QTMAN: variants seen among roughly 807,000 people sequenced by gnomAD.
The protein encoded by QTMAN is tRNA-queuosine alpha-mannosyltransferase.
At chr2:144,281,051 C>G in the QTMAN span, among the ~76,000 whole-genome samples, 1 of 128,620 alleles carries the variant, frequency 7.8e-6, no homozygotes, top group African/African-American at 2.9e-5. Context: ...AATGCTATCC[C>G]TCCCCCCGCC....
chr2:144,191,414 G>A, the QTMAN span, among the ~76,000 whole-genome samples: 1 of 152,190 alleles, frequency 6.6e-6, no homozygotes, highest in Admixed American at 6.5e-5. Context: ...GAACAAGGAA[G>A]AAAGAAAAGG....
the QTMAN span, among the ~76,000 whole-genome samples, chr2:144,191,557 C>T: frequency 3.3e-5 from 5 of 152,090 alleles, no homozygotes; most frequent in Non-Finnish European, 5.9e-5. Context: ...CAAAAGAATA[C>T]ATTATAAATT....
the QTMAN span, among the ~76,000 whole-genome samples, chr2:144,250,496 A>T: frequency 6.6e-6 from 1 of 152,166 alleles, no homozygotes; most frequent in African/African-American, 2.4e-5. Context: ...GATAAAATTG[A>T]TATAAAAATA....
chr2:144,136,381 G>T, the QTMAN span, among the ~76,000 whole-genome samples: 2 of 96,316 alleles, frequency 2.1e-5, no homozygotes, highest in South Asian at 6.8e-4. Context: ...AAAAGGAAAA[G>T]GAAAAGGAAA....
the QTMAN span, among the ~76,000 whole-genome samples, chr2:144,169,280 T>C: frequency 1.3e-5 from 2 of 152,184 alleles, no homozygotes; most frequent in South Asian, 2.1e-4. Context: ...CTTAGAACTA[T>C]ATAAATCAGA....
At chr2:144,062,611 AG>A in the QTMAN span, among the ~76,000 whole-genome samples, 1 of 152,200 alleles carries the variant, frequency 6.6e-6, no homozygotes, top group Non-Finnish European at 1.5e-5. Flanking sequence ...CATTTTACTA[AG>A]GGCTTTCTAA....
chr2:144,297,581 T>C, the QTMAN span, among the ~76,000 whole-genome samples: 1 of 145,682 alleles, frequency 6.9e-6, no homozygotes, highest in Non-Finnish European at 1.5e-5. Context: ...TTCCGTCTTT[T>C]TTTTTTTTTT....
the QTMAN span, among the ~76,000 whole-genome samples, chr2:144,150,474 G>A: frequency 7.6e-4 from 116 of 152,052 alleles, no homozygotes; most frequent in African/African-American, 2.7e-3. Context: ...GTACTCCTGA[G>A]GAACTAACTT....
the QTMAN span, among the ~76,000 whole-genome samples, chr2:144,036,626 A>G: frequency 6.6e-6 from 1 of 152,232 alleles, no homozygotes; most frequent in African/African-American, 2.4e-5. Flanking sequence ...AGGTACCTAC[A>G]TATTTGGTAC....
At chr2:144,283,746 C>T in the QTMAN span, among the ~76,000 whole-genome samples, 5 of 151,948 alleles carry the variant, frequency 3.3e-5, no homozygotes, top group East Asian at 9.6e-4. Flanking sequence ...AAATGCACAA[C>T]ACACTCTAAA....
At chr2:144,182,901 T>TAA in the QTMAN span, among the ~76,000 whole-genome samples, 1 of 95,816 alleles carries the variant, frequency 1.0e-5, no homozygotes, top group African/African-American at 4.1e-5. Context: ...TATATATATA[T>TAA]TATATATATA....
the QTMAN span, among the ~76,000 whole-genome samples, chr2:144,000,290 A>G: frequency 6.6e-6 from 1 of 152,090 alleles, no homozygotes; most frequent in Non-Finnish European, 1.5e-5. Flanking sequence ...CTAAAATTCT[A>G]GTAAAATTCT....
the QTMAN span, among the ~76,000 whole-genome samples, chr2:144,071,279 T>TA: frequency 6.6e-6 from 1 of 151,042 alleles, no homozygotes; most frequent in Non-Finnish European, 1.5e-5. Context: ...AGGAACAAAA[T>TA]AGAGTTTCGA....
At chr2:144,182,116 T>C in the QTMAN span, among the ~76,000 whole-genome samples, 1 of 150,102 alleles carries the variant, frequency 6.7e-6, no homozygotes. Context: ...TAAAAGAGAA[T>C]AAAAAAAAAG....
chr2:144,064,953 G>C, the QTMAN span, among the ~76,000 whole-genome samples: 3 of 152,138 alleles, frequency 2.0e-5, no homozygotes, highest in Non-Finnish European at 2.9e-5. Context: ...AGGAGGAGAG[G>C]GGGGCAGAGT....
the QTMAN span, among the ~76,000 whole-genome samples, chr2:144,251,297 T>C: frequency 1.3e-5 from 2 of 152,294 alleles, no homozygotes; most frequent in African/African-American, 4.8e-5. Flanking sequence ...AATTACACAG[T>C]AATCAAGACA....
At chr2:144,098,401 T>C in the QTMAN span, among the ~76,000 whole-genome samples, 3 of 152,136 alleles carry the variant, frequency 2.0e-5, no homozygotes, top group Admixed American at 2.0e-4. Flanking sequence ...TGCCAACTGT[T>C]TTTTAAAGTT....
the QTMAN span, among the ~76,000 whole-genome samples, chr2:144,293,907 T>C: frequency 2.6e-5 from 4 of 152,212 alleles, no homozygotes; most frequent in Non-Finnish European, 5.9e-5. Flanking sequence ...AGTCCAATTC[T>C]CAATGCTTCA....
At chr2:144,296,296 A>C in the QTMAN span, among the ~76,000 whole-genome samples, 1 of 152,260 alleles carries the variant, frequency 6.6e-6, no homozygotes, top group African/African-American at 2.4e-5. Context: ...TTATCAGTGC[A>C]ATGTGATTAA....
Sources: allele counts gnomAD v4.1 joint callset (sites outside exome capture counted in the v4.1 genomes callset), GRCh38; gene constraint gnomAD v4.1.1; transcripts MANE v1.5; gene names NCBI Gene and HGNC (gene_info 2026-07-23, HGNC 2026-07-21).